LSAMP: variants seen among roughly 807,000 people sequenced by gnomAD.
The protein encoded by LSAMP is limbic system-associated membrane protein.
LSAMP carries 7 observed loss-of-function variants against 38.6 expected under a neutral mutation model. The observed-to-expected ratio is 0.18, with a 90% CI of 0.10 to 0.34. The LOEUF (loss-of-function observed/expected upper bound fraction) is 0.34, where lower values mean the gene tolerates loss of function less well. Ranked by LOEUF, LSAMP falls within the 10% of genes least tolerant of loss-of-function variation. The pLI, the probability that LSAMP is intolerant of heterozygous loss-of-function variation, is 1.00. For missense variants in LSAMP, 313 were observed against 420.0 expected (o/e 0.75, Z 2.23); for synonymous variants, 154 against 166.8 (o/e 0.92, Z 0.59).
At chr3:116,422,049 G>A (rs1318469366) in intron 1 of LSAMP, among the ~76,000 whole-genome samples, 1 of 151,228 alleles carries the variant, frequency 6.6e-6, no homozygotes, top group African/African-American at 2.4e-5. Flanking sequence ...CGGGTGAATG[G>A]TTAAACATAA....
intron 1 of LSAMP, among the ~76,000 whole-genome samples, chr3:116,110,027 G>T (rs1281592029): frequency 1.3e-5 from 2 of 151,762 alleles, no homozygotes; most frequent in East Asian, 3.9e-4. Flanking sequence ...AGGGATTGGG[G>T]CACAGAGATA....
chr3:115,934,179 T>A, intron 3 of LSAMP, among the ~76,000 whole-genome samples: 1 of 19,482 alleles, frequency 5.1e-5, no homozygotes, highest in East Asian at 4.9e-3. Flanking sequence ...ATTTTATTAT[T>A]TTATTTTATT....
chr3:115,957,302 C>T (rs1481756199), intron 3 of LSAMP, among the ~76,000 whole-genome samples: 1 of 152,192 alleles, frequency 6.6e-6, no homozygotes, highest in Non-Finnish European at 1.5e-5. Flanking sequence ...AGCCACTACA[C>T]AAATGGCTCG....
intron 2 of LSAMP, among the ~76,000 whole-genome samples, chr3:116,024,363 A>ATTTTTGTC (rs1398493504): frequency 1.3e-5 from 2 of 152,326 alleles, no homozygotes; most frequent in African/African-American, 4.8e-5. Context: ...TTTTGTCAGA[A>ATTTTTGTC]AGGAATAAGT....
At chr3:116,256,099 C>T (rs546878668) in intron 1 of LSAMP, among the ~76,000 whole-genome samples, 1 of 152,092 alleles carries the variant, frequency 6.6e-6, no homozygotes, top group South Asian at 2.1e-4. Flanking sequence ...TTTGTCAAGT[C>T]GAGTTGTTAA....
rs972017155 is a variant in LSAMP at position 115,966,448 on chromosome 3, T to C, written c.514+53067A>G. Among the ~76,000 whole-genome samples the C allele has an allele frequency of 5.3e-5, 8 of 152,262 alleles. No homozygotes were observed. The East Asian group carries it at 7.7e-4, about 15-fold the overall frequency. ...CAGCCTAAACAAATCTTAACCAATA[T>C]AACCACATTAGAAAAAGATTTGACC... On this transcript the variant is annotated intron_variant, in intron 3 of 6. Coordinates refer to ENST00000490035, the MANE Select transcript of LSAMP (RefSeq NM_002338.5).
chr3:116,127,695 A>ATTTTTTTTTTTTTT (rs67470158), intron 1 of LSAMP, among the ~76,000 whole-genome samples: 1 of 96,646 alleles, frequency 1.0e-5, no homozygotes, highest in East Asian at 3.1e-4. Context: ...GTGTTTGTTC[A>ATTTTTTTTTTTTTT]TTTTTTTTTT....
At chr3:116,263,705 A>G (rs2046859631) in intron 1 of LSAMP, among the ~76,000 whole-genome samples, 2 of 152,082 alleles carry the variant, frequency 1.3e-5, no homozygotes, top group Admixed American at 6.6e-5. Flanking sequence ...GTACTGATCT[A>G]GATAAATGAC....
At chr3:115,946,990 C>T (rs1003971433) in intron 3 of LSAMP, among the ~76,000 whole-genome samples, 1 of 144,076 alleles carries the variant, frequency 6.9e-6, no homozygotes, top group African/African-American at 2.5e-5. Context: ...TAAAAAGTTG[C>T]ATTAGCATTT....
At chr3:115,842,217 A>G (rs1011402814) in intron 5 of LSAMP, among the ~76,000 whole-genome samples, 7 of 152,240 alleles carry the variant, frequency 4.6e-5, no homozygotes, top group African/African-American at 1.7e-4. Flanking sequence ...GTTATAGGCA[A>G]GAAAGACATG....
Position 115,807,122 on chromosome 3 carries a change from A to G in LSAMP, c.*3195T>C, listed in dbSNP as rs1216916673. On this transcript the variant is annotated 3_prime_UTR_variant, in exon 7 of 7. Coordinates refer to ENST00000490035, the MANE Select transcript of LSAMP (RefSeq NM_002338.5). ...GGTTTCAAACTTTGATTACCAAGGG[A>G]CAAGATTCTTGAAGGAATTTATTCC... 1 of 152,200 alleles carries G rather than the reference A, an allele frequency of 6.6e-6. No homozygotes were observed. Among genetic ancestry groups the G allele is most frequent in the East Asian group, 1.9e-4 (1 of 5,198 alleles). 9.4% of individuals were successfully genotyped at this position (152,200 alleles called of 1,614,324 possible). A position where few individuals can be genotyped will look rare whatever the true frequency, so the allele number is the denominator to read the frequency against.
chr3:115,921,045 T>C (rs776338304), intron 3 of LSAMP, among the ~76,000 whole-genome samples: 4 of 152,182 alleles, frequency 2.6e-5, no homozygotes, highest in Non-Finnish European at 5.9e-5. Context: ...ACTATTTTCA[T>C]GGAATATCTT....
In LSAMP at chr3:115,806,149, C is replaced by T. The variant is rs1460383179; in HGVS notation, c.*4168G>A. 5.9e-5 allele frequency: 9 copies of T among 152,120 alleles called. No homozygotes were observed. Among genetic ancestry groups the T allele is most frequent in the East Asian group, 1.9e-4 (1 of 5,194 alleles). The allele number at this position is 152,120 out of a possible 1,614,324, so 9.4% of individuals were successfully genotyped here. A position where few individuals can be genotyped will look rare whatever the true frequency, so the allele number is the denominator to read the frequency against. On this transcript the variant is annotated 3_prime_UTR_variant, in exon 7 of 7. Transcript: ENST00000490035. Reference sequence around the variant, plus strand: ...CATAGTCTATAAGCAAATTTCTTTTCGCCAAATAATTACAAAACGGAAAAA... The same window carrying T: ...CATAGTCTATAAGCAAATTTCTTTTTGCCAAATAATTACAAAACGGAAAAA...
chr3:115,940,840 G>A (rs947322836), intron 3 of LSAMP, among the ~76,000 whole-genome samples: 20 of 152,002 alleles, frequency 1.3e-4, no homozygotes, highest in African/African-American at 2.4e-4. Flanking sequence ...CTATAGCTTC[G>A]TAATATAGTT....
At chr3:116,170,910 G>A (rs948823197) in intron 1 of LSAMP, among the ~76,000 whole-genome samples, 2 of 151,852 alleles carry the variant, frequency 1.3e-5, no homozygotes, top group Non-Finnish European at 2.9e-5. Context: ...CTTTCTCTAT[G>A]TTCGTTCAAT....
In LSAMP at chr3:116,385,667, C is replaced by G. The variant is rs140191337; in HGVS notation, c.155+59210G>C. ...TTATTAAGAGACTCTTGTAAGTCACCCTGTATTTTATTGGAATGTCTTTCC... is the reference window on the plus strand; with the variant it reads ...TTATTAAGAGACTCTTGTAAGTCACGCTGTATTTTATTGGAATGTCTTTCC... On this transcript the variant is annotated intron_variant, in intron 1 of 6. Coordinates refer to ENST00000490035, the MANE Select transcript of LSAMP (RefSeq NM_002338.5). 1.7e-3 allele frequency among the ~76,000 whole-genome samples: 259 copies of G among 152,020 alleles called. 2 individuals carry two copies. Among genetic ancestry groups the G allele is most frequent in the African/African-American group, 5.8e-3 (242 of 41,450 alleles).
intron 1 of LSAMP, among the ~76,000 whole-genome samples, chr3:116,439,844 T>A (rs962530874): frequency 1.3e-5 from 2 of 152,234 alleles, no homozygotes; most frequent in African/African-American, 4.8e-5. Flanking sequence ...TTTCTCAGTC[T>A]CCTAAGCAGC....
intron 1 of LSAMP, among the ~76,000 whole-genome samples, chr3:116,350,297 T>A (rs901805344): frequency 6.6e-6 from 1 of 152,066 alleles, no homozygotes; most frequent in African/African-American, 2.4e-5. Context: ...GGTACAACTA[T>A]TGGTTAAGGA....
intron 1 of LSAMP, among the ~76,000 whole-genome samples, chr3:116,226,825 G>A (rs1218229436): frequency 1.3e-5 from 2 of 152,162 alleles, no homozygotes; most frequent in Non-Finnish European, 2.9e-5. Flanking sequence ...GCAGTGGATC[G>A]TGAGGAACTG....
Sources: gnomAD v4.1 joint callset for allele counts (sites outside exome capture counted in the v4.1 genomes callset) on GRCh38, gnomAD v4.1.1 for gene constraint, MANE v1.5 for transcripts, NCBI Gene and HGNC (gene_info 2026-07-23, HGNC 2026-07-21) for gene names.